Variants in PTPRD observed in about 807,000 individuals in gnomAD.
The protein encoded by PTPRD is protein tyrosine phosphatase receptor type D.
In PTPRD, 34 loss-of-function variants were observed where a neutral mutation model predicts 214.5. The observed-to-expected ratio is 0.16, with a 90% CI of 0.12 to 0.21. The LOEUF is 0.21. Among genes scored for constraint, PTPRD ranks in the 10% least tolerant of loss-of-function variants. The pLI is 1.00. For synonymous variants in PTPRD, 1,128 were observed against 845.7 expected (o/e 1.33, Z -5.79); for missense variants, 2,545 against 2,398.7 (o/e 1.06, Z -1.27).
chr9:8,612,002 G>T (rs905927848), intron 14 of PTPRD, among the ~76,000 whole-genome samples: 3 of 149,218 alleles, frequency 2.0e-5, no homozygotes, highest in Admixed American at 6.7e-5. Flanking sequence ...GGTTTGGGAG[G>T]GGAGGGAAAG....
At chr9:8,926,993 C>T (rs1217602336) in intron 11 of PTPRD, among the ~76,000 whole-genome samples, 3 of 152,058 alleles carry the variant, frequency 2.0e-5, no homozygotes, top group African/African-American at 7.2e-5. Context: ...AAGGGAACTA[C>T]AAAATCATGT....
At chr9:10,249,879 T>C (rs2092608721) in intron 3 of PTPRD, among the ~76,000 whole-genome samples, 1 of 152,074 alleles carries the variant, frequency 6.6e-6, no homozygotes, top group Admixed American at 6.6e-5. Context: ...CTGCTACATT[T>C]GAAAAAAATA....
intron 7 of PTPRD, among the ~76,000 whole-genome samples, chr9:9,655,293 G>A (rs986374178): frequency 5.9e-5 from 9 of 152,228 alleles, no homozygotes; most frequent in Non-Finnish European, 1.3e-4. Context: ...CTCAAGGCTG[G>A]GTGCCATGGC....
At chr9:9,396,672 T>C (rs1422983275) in intron 9 of PTPRD, among the ~76,000 whole-genome samples, 1 of 151,870 alleles carries the variant, frequency 6.6e-6, no homozygotes, top group Non-Finnish European at 1.5e-5. Flanking sequence ...GAGGATGCTA[T>C]ACAAAGACAC....
chr9:8,903,880 C>A, intron 11 of PTPRD, among the ~76,000 whole-genome samples: 1 of 146,664 alleles, frequency 6.8e-6, no homozygotes, highest in South Asian at 2.1e-4. Flanking sequence ...CACATATTTA[C>A]ATATTTATAT....
At chr9:9,346,789 T>A (rs2137783429) in intron 9 of PTPRD, among the ~76,000 whole-genome samples, 1 of 152,100 alleles carries the variant, frequency 6.6e-6, no homozygotes, top group African/African-American at 2.4e-5. Flanking sequence ...ACCTCCTGGG[T>A]TCAAGATATT....
At chr9:8,776,541 G>C (rs1336349106) in intron 11 of PTPRD, among the ~76,000 whole-genome samples, 1 of 150,514 alleles carries the variant, frequency 6.6e-6, no homozygotes, top group Non-Finnish European at 1.5e-5. Flanking sequence ...CAAGCGATCT[G>C]CCGGCCTCCC....
At chr9:8,438,473 T>C (rs185256798) in intron 34 of PTPRD, among the ~76,000 whole-genome samples, 1 of 152,196 alleles carries the variant, frequency 6.6e-6, no homozygotes, top group East Asian at 1.9e-4. Flanking sequence ...CTGAAACTTT[T>C]CTGTATTAAT....
At chr9:9,558,149 G>A (rs78671883) in intron 8 of PTPRD, among the ~76,000 whole-genome samples, 7 of 152,026 alleles carry the variant, frequency 4.6e-5, no homozygotes, top group African/African-American at 9.7e-5. Flanking sequence ...GGGTGCCAGC[G>A]CGCCCACCAT....
intron 9 of PTPRD, among the ~76,000 whole-genome samples, chr9:9,218,809 C>T (rs1049933021): frequency 6.6e-6 from 1 of 152,102 alleles, no homozygotes; most frequent in African/African-American, 2.4e-5. Flanking sequence ...GCCCTCACAG[C>T]TGACGAGGTA....
intron 3 of PTPRD, among the ~76,000 whole-genome samples, chr9:10,150,680 A>G (rs28606641): frequency 0.2 from 30,584 of 151,570 alleles, 3,295 homozygotes; most frequent in Admixed American, 0.31. Flanking sequence ...TTAAAAATGA[A>G]AAAAATAATA....
At chr9:9,879,768 G>T (rs2068053262) in intron 5 of PTPRD, among the ~76,000 whole-genome samples, 1 of 152,082 alleles carries the variant, frequency 6.6e-6, no homozygotes, top group Admixed American at 6.6e-5. Context: ...AGCTTGAAAG[G>T]GTGGAACATT....
chr9:9,802,845 T>C (rs1444127800), intron 5 of PTPRD, among the ~76,000 whole-genome samples: 1 of 151,886 alleles, frequency 6.6e-6, no homozygotes, highest in Non-Finnish European at 1.5e-5. Context: ...TACAATTGTT[T>C]ATTCATTCTC....
Position 9,003,846 on chromosome 9 carries a change from A to G in PTPRD, c.-104+14851T>C, listed in dbSNP as rs544207514. ...AAATCAGAAAACTCGCAATCTGTAA[A>G]TGCCTGATAACGTCACTACACATAG... On this transcript the variant is annotated intron_variant, in intron 11 of 45. Transcript: ENST00000381196. 7.2e-5 allele frequency among the ~76,000 whole-genome samples: 11 copies of G among 152,208 alleles called. No homozygotes were observed. In the South Asian group the frequency reaches 2.3e-3, roughly 32 times the overall value.
At chr9:10,598,227 G>C (rs1396493707) in intron 2 of PTPRD, among the ~76,000 whole-genome samples, 1 of 151,750 alleles carries the variant, frequency 6.6e-6, no homozygotes, top group Non-Finnish European at 1.5e-5. Context: ...CTCCGAACTT[G>C]AACATATTAT....
intron 5 of PTPRD, among the ~76,000 whole-genome samples, chr9:9,936,073 C>T (rs1462662915): frequency 1.4e-5 from 2 of 147,090 alleles, no homozygotes; most frequent in East Asian, 2.0e-4. Context: ...ATACAAAAAT[C>T]AATTCAAGAT....
chr9:8,730,606 T>A (rs2098646713), intron 12 of PTPRD, among the ~76,000 whole-genome samples: 2 of 152,254 alleles, frequency 1.3e-5, no homozygotes, highest in South Asian at 4.1e-4. Flanking sequence ...TTGGTCTGCA[T>A]TTAGTTTTTC....
At chr9:9,726,419 T>C (rs1451281420) in intron 7 of PTPRD, among the ~76,000 whole-genome samples, 1 of 151,878 alleles carries the variant, frequency 6.6e-6, no homozygotes, top group Non-Finnish European at 1.5e-5. Flanking sequence ...AAATTATTTG[T>C]CTATACTCCA....
chr9:9,936,244 A>G (rs931270247), intron 5 of PTPRD, among the ~76,000 whole-genome samples: 7 of 148,682 alleles, frequency 4.7e-5, no homozygotes, highest in Admixed American at 4.6e-4. Context: ...TAATTAAACT[A>G]AAGAGCTTCT....
Sources: allele counts gnomAD v4.1 joint callset (sites outside exome capture counted in the v4.1 genomes callset), GRCh38; gene constraint gnomAD v4.1.1; transcripts MANE v1.5; gene names NCBI Gene and HGNC (gene_info 2026-07-23, HGNC 2026-07-21).